The following FAM186A variants were observed in gnomAD, a reference collection of about 807,000 sequenced individuals.
The protein encoded by FAM186A is family with sequence similarity 186 member A.
FAM186A carries 163 observed loss-of-function variants against 216.8 expected under a neutral mutation model. The observed-to-expected ratio is 0.75, with a 90% CI of 0.66 to 0.86. The LOEUF (loss-of-function observed/expected upper bound fraction) is 0.86, where lower values mean the gene tolerates loss of function less well. Among genes scored for constraint, FAM186A ranks in the 40% least tolerant of loss-of-function variants. The pLI is 0.00. For missense variants in FAM186A, 2,184 were observed against 2,746.2 expected, an observed-to-expected ratio of 0.80 and a Z score of 4.58; for synonymous variants, 805 against 1,025.3, an observed-to-expected ratio of 0.79 and a Z score of 4.10.
chr12:50,394,904 AT>A (rs1412350048), intron 1 of FAM186A, among the ~76,000 whole-genome samples: 1 of 149,780 alleles, frequency 6.7e-6, no homozygotes, highest in Non-Finnish European at 1.5e-5. Flanking sequence ...TAATTTTTAA[AT>A]TTTTTCTAGA....
chr12:50,348,959 T>C (rs1429583412), intron 4 of FAM186A, among the ~76,000 whole-genome samples: 19 of 152,106 alleles, frequency 1.2e-4, no homozygotes, highest in Admixed American at 1.2e-3. Context: ...AGGAATGCAA[T>C]GTGTAATAAT....
chr12:50,355,467 A>T lies in FAM186A; in HGVS notation c.1365T>A (p.Tyr455Ter), dbSNP rs878941915. ...TTTTGTGGCTTCTTTTCCATGATTG[A>T]TACTCATCAGTCTCATCTTCCTGAT... ...DFYQEDETDE[Y>*]QSWKRSHKKA... Residue 455 changes from tyrosine to a stop codon, truncating the protein, a stop_gained, in exon 4 of 8, where the codon TAT (tyrosine) becomes TAA (stop). Transcript: ENST00000327337. LOFTEE classifies it high-confidence loss of function. 6.4e-7 allele frequency: 1 copy of T among 1,551,144 alleles called. No individual in the cohort carries two copies. The highest frequency in any genetic ancestry group is 1.4e-5 in the African/African-American group (1 of 73,004).
Position 50,360,258 on chromosome 12 carries a change from AAAAT to A in FAM186A, c.583+494_583+497del, listed in dbSNP as rs1479536832. 4.6e-5 allele frequency among the ~76,000 whole-genome samples: 6 copies of A among 129,764 alleles called. No homozygotes were observed. The East Asian group carries it at 1.3e-3, about 29-fold the overall frequency. 85.1% of individuals were successfully genotyped at this position (129,764 alleles called of 152,430 possible). A position where few individuals can be genotyped will look rare whatever the true frequency, so the allele number is the denominator to read the frequency against. ...TACCCTGTCTCAAAAAAAAAAAAAA[AAAAT>A]TAATAAATAAATTTAAAATAAATAA... On this transcript the variant is annotated intron_variant, in intron 3 of 7. Transcript: ENST00000327337.
At chr12:50,380,675 G>A (rs1025160189) in intron 1 of FAM186A, among the ~76,000 whole-genome samples, 1 of 151,408 alleles carries the variant, frequency 6.6e-6, no homozygotes, top group Admixed American at 6.6e-5. Flanking sequence ...CAGCCTGGGT[G>A]ACAGAGTGAG....
At chr12:50,376,088 C>G (rs922425111) in intron 1 of FAM186A, among the ~76,000 whole-genome samples, 1 of 152,182 alleles carries the variant, frequency 6.6e-6, no homozygotes, top group Non-Finnish European at 1.5e-5. Flanking sequence ...ATACCACAAG[C>G]AGGTTCTGCT....
In FAM186A at chr12:50,372,826, C is replaced by T. The variant is rs896760615; in HGVS notation, c.193-9462G>A. On this transcript the variant is annotated intron_variant, in intron 1 of 7. Coordinates refer to ENST00000327337, the MANE Select transcript of FAM186A (RefSeq NM_001145475.3). ...ATGAGGCAGAGAATTGCTTGAACCC[C>T]GGAGGCAGAGGTTACTGTGAGCCGA... Among the ~76,000 whole-genome samples the T allele has an allele frequency of 7.4e-5, 11 of 148,418 alleles. 1 individual carries two copies. Among genetic ancestry groups the T allele is most frequent in the African/African-American group, 2.7e-4 (11 of 40,288 alleles).
rs113034147 is a variant in FAM186A at position 50,369,984 on chromosome 12, C to A, written c.193-6620G>T. ...CTAAAAATACAAAAAATTAGCCGGG[C>A]GTGGTGGTGGGCGCCTGTAGTCCCA... is the stretch of plus-strand genomic sequence containing the variant. On this transcript the variant is annotated intron_variant, in intron 1 of 7. Transcript: ENST00000327337. 8.5e-3 allele frequency among the ~76,000 whole-genome samples: 1,288 copies of A among 151,576 alleles called. 25 individuals are homozygous for A. The highest frequency in any genetic ancestry group is 0.029 in the African/African-American group (1,217 of 41,324).
intron 1 of FAM186A, among the ~76,000 whole-genome samples, chr12:50,378,203 A>G (rs1036141342): frequency 7.7e-5 from 11 of 142,208 alleles, no homozygotes; most frequent in Non-Finnish European, 1.4e-4. Flanking sequence ...CAGCCTCGAC[A>G]ACAAGAGCGA....
At chr12:50,330,547 C>T in intron 7 of FAM186A, 26 bp downstream of exon 7, 1 of 1,539,812 alleles carries the variant, frequency 6.5e-7, no homozygotes, top group Non-Finnish European at 8.7e-7. Flanking sequence ...GCCCAATTAC[C>T]AGAGTGCTTC....
In FAM186A at chr12:50,363,798, G is replaced by T. The variant is rs533384742; in HGVS notation, c.193-434C>A. Among the ~76,000 whole-genome samples, 14 of 148,580 alleles carry T rather than the reference G, an allele frequency of 9.4e-5. No individual in the cohort carries two copies. In the East Asian group the frequency reaches 1.8e-3, roughly 19 times the overall value. ...GAAAGAAAGAAAGAAAAAGAAAACA[G>T]AAAAAAATGCAAGTTGCTTCTTTTT... is the stretch of plus-strand genomic sequence containing the variant. On this transcript the variant is annotated intron_variant, in intron 1 of 7. Transcript: ENST00000327337.
intron 1 of FAM186A, among the ~76,000 whole-genome samples, chr12:50,377,129 T>C (rs756220540): frequency 5.3e-5 from 8 of 152,112 alleles, no homozygotes; most frequent in Non-Finnish European, 1.2e-4. Flanking sequence ...AAACACCATT[T>C]GGCAATTAGG....
In FAM186A at chr12:50,353,611, T is replaced by A. The variant is rs142895119; in HGVS notation, c.3221A>T (p.His1074Leu). The stretch of plus-strand genomic sequence containing the variant: ...TTCCTGGGCCTGCTGAGGTGTGAGA[T>A]GAATGCATTTAGTGAGAGGCTGGCC... The part of the protein sequence containing the change: ...ISGQPLTKCI[H>L]LTPQQAQEVG... Residue 1074 changes from histidine to leucine, a missense_variant, in exon 4 of 8, where the codon CAT (histidine) becomes CTT (leucine). Around this residue, in one of 7 missense-constraint regions of FAM186A, gnomAD observed 1,132 missense variants for 1,263.4 expected, o/e 0.90. Coordinates refer to ENST00000327337, the MANE Select transcript of FAM186A (RefSeq NM_001145475.3). 6.5e-7 allele frequency: 1 copy of A among 1,530,420 alleles called. No individual in the cohort carries two copies. 94.8% of individuals were successfully genotyped at this position (1,530,420 alleles called of 1,614,324 possible). A position where few individuals can be genotyped will look rare whatever the true frequency, so the allele number is the denominator to read the frequency against.
At chr12:50,386,448 CA>C (rs1445676727) in intron 1 of FAM186A, among the ~76,000 whole-genome samples, 1 of 151,838 alleles carries the variant, frequency 6.6e-6, no homozygotes, top group Non-Finnish European at 1.5e-5. Flanking sequence ...AAGAAACAAA[CA>C]AAAAAGATAT....
At chr12:50,366,252 G>C (rs1943086519) in intron 1 of FAM186A, among the ~76,000 whole-genome samples, 1 of 152,096 alleles carries the variant, frequency 6.6e-6, no homozygotes, top group Non-Finnish European at 1.5e-5. Context: ...GGTGAGCCAA[G>C]GCAAAGTTTG....
chr12:50,392,950 G>A (rs1275444777), intron 1 of FAM186A, among the ~76,000 whole-genome samples: 7 of 144,194 alleles, frequency 4.9e-5, no homozygotes, highest in African/African-American at 1.8e-4. Flanking sequence ...TTTTTGAGGC[G>A]GAGTCTTGCT....
At chr12:50,369,873 C>T (rs1279325241) in intron 1 of FAM186A, among the ~76,000 whole-genome samples, 1 of 151,750 alleles carries the variant, frequency 6.6e-6, no homozygotes, top group Non-Finnish European at 1.5e-5. Flanking sequence ...GCCTGTAATC[C>T]CAGCACTTTG....
intron 4 of FAM186A, among the ~76,000 whole-genome samples, chr12:50,347,393 C>T (rs935053779): frequency 2.0e-5 from 3 of 152,004 alleles, no homozygotes; most frequent in African/African-American, 4.8e-5. Flanking sequence ...AAAAATAAAA[C>T]GAAAATAACA....
At chr12:50,349,800 C>T (rs750402586) in intron 4 of FAM186A, among the ~76,000 whole-genome samples, 6 of 152,158 alleles carry the variant, frequency 3.9e-5, no homozygotes, top group Non-Finnish European at 7.4e-5. Context: ...TACAGGTGCA[C>T]GCAACCATGC....
chr12:50,360,158 C>T (rs1408912274), intron 3 of FAM186A, among the ~76,000 whole-genome samples: 1 of 150,388 alleles, frequency 6.6e-6, no homozygotes, highest in African/African-American at 2.5e-5. Context: ...GCACAAGAAT[C>T]GCTTGAACCC....
Sources: gnomAD v4.1 joint callset for allele counts (sites outside exome capture counted in the v4.1 genomes callset) on GRCh38, gnomAD v4.1.1 for gene constraint, gnomAD v4.1.1 regional missense constraint, MANE v1.5 for transcripts, NCBI Gene and HGNC (gene_info 2026-07-23, HGNC 2026-07-21) for gene names.